Variants in FAM153A observed in about 807,000 individuals in gnomAD.
FAM153A encodes family with sequence similarity 153 member A.
Under a neutral mutation model 48.1 loss-of-function variants are expected in FAM153A, and 12 were observed. The ratio of observed to expected loss-of-function variants is 0.25; its 90% CI spans 0.16 to 0.40. The LOEUF (loss-of-function observed/expected upper bound fraction) is 0.40. FAM153A is among the 10% of genes least tolerant of loss of function. FAM153A has a pLI of 1.00. For missense variants in FAM153A, 111 were observed against 345.8 expected, an observed-to-expected ratio of 0.32 and a Z score of 5.38; for synonymous variants, 36 against 118.2, an observed-to-expected ratio of 0.30 and a Z score of 4.51.
In FAM153A at chr5:177,729,367, A is replaced by G. The variant is rs928221810; in HGVS notation, c.933+118T>C. On this transcript the variant is annotated intron_variant, in intron 17 of 20. Coordinates refer to ENST00000614127, the Ensembl canonical transcript of FAM153A. Reference sequence around the variant, plus strand: ...AATGAACTCTGGCATTTGCCCACCAAGAAATTCTGTCAGTCACCTATAGTG... The same window carrying G: ...AATGAACTCTGGCATTTGCCCACCAGGAAATTCTGTCAGTCACCTATAGTG... The G allele has an allele frequency of 8.8e-6, 11 of 1,252,876 alleles. 2 individuals are homozygous for G. In the African/African-American group the frequency reaches 1.7e-4, roughly 19 times the overall value. The allele number at this position is 1,252,876 out of a possible 1,614,324, so 77.6% of individuals were successfully genotyped here. A position where few individuals can be genotyped will look rare whatever the true frequency, so the allele number is the denominator to read the frequency against.
downstream of FAM153A, among the ~76,000 whole-genome samples, chr5:177,710,544 G>A (rs1758319235): frequency 6.6e-6 from 1 of 151,140 alleles, no homozygotes; most frequent in Non-Finnish European, 1.5e-5. Context: ...TGTGATCCGT[G>A]TTCAAAATCT....
At chr5:177,739,723 C>T (rs1218452253) in intron 8 of FAM153A, 53 bp from the exon 11 acceptor site, 12 of 289,152 alleles carry the variant, frequency 4.2e-5, no homozygotes, top group Non-Finnish European at 6.2e-5. Context: ...GGGAATCCCT[C>T]GGGTTGTATT....
intron 1 of FAM153A, among the ~76,000 whole-genome samples, chr5:177,778,955 T>C (rs193189533): frequency 4.5e-5 from 5 of 110,156 alleles, no homozygotes; most frequent in South Asian, 3.3e-4. Flanking sequence ...GACACCATAT[T>C]CTAGCCTGGG....
the FAM153A span, among the ~76,000 whole-genome samples, chr5:177,696,353 G>A: frequency 6.7e-6 from 1 of 150,136 alleles, no homozygotes; most frequent in African/African-American, 2.5e-5. Context: ...GCCGGGCAGA[G>A]GCGCTCCTCA....
intron 1 of FAM153A, chr5:177,779,465 C>T (rs1460827322): frequency 9.4e-6 from 1 of 106,214 alleles, no homozygotes; most frequent in African/African-American, 3.3e-5. Flanking sequence ...AAAAAATAAT[C>T]TCCTATTCGT....
upstream of FAM153A, among the ~76,000 whole-genome samples, chr5:177,755,636 C>G (rs1382195547): frequency 1.3e-5 from 2 of 151,836 alleles, no homozygotes; most frequent in Non-Finnish European, 2.9e-5. Context: ...CAGCTGATCT[C>G]TTGGCATAAA....
downstream of FAM153A, among the ~76,000 whole-genome samples, chr5:177,709,793 C>A (rs1367498042): frequency 8.1e-6 from 1 of 123,466 alleles, no homozygotes; most frequent in Non-Finnish European, 1.7e-5. Context: ...GCCTCAGCCT[C>A]GCTAAGGAGC....
At chr5:177,722,149 G>A (rs1761172971), downstream of FAM153A, 1 of 133,646 alleles carries the variant, frequency 7.5e-6, no homozygotes, top group Non-Finnish European at 1.6e-5. Context: ...TTTTTTTTGA[G>A]ACAAAGTCTC....
intron 14 of FAM153A, among the ~76,000 whole-genome samples, chr5:177,733,171 GTTC>G (rs1237400561): frequency 8.6e-6 from 1 of 116,912 alleles, no homozygotes; most frequent in Admixed American, 9.6e-5. Context: ...TTTTCCTTCG[GTTC>G]TTATTTGGTG....
At chr5:177,696,029 G>GAT in the FAM153A span, among the ~76,000 whole-genome samples, 559 of 137,532 alleles carry the variant, frequency 4.1e-3, 4 homozygotes, top group African/African-American at 0.016. Flanking sequence ...CTTCCTAGAT[G>GAT]GGGCGGCCGG....
intron 1 of FAM153A, among the ~76,000 whole-genome samples, chr5:177,765,907 T>C (rs1296080093): frequency 4.4e-5 from 5 of 113,862 alleles, no homozygotes; most frequent in Non-Finnish European, 9.8e-5. Flanking sequence ...GATCGAGGTC[T>C]GAAGTTCAAG....
rs186039322 is a variant in FAM153A, at chr5:177,766,206, T to C, written c.-57+14243A>G. The stretch of plus-strand genomic sequence containing the variant: ...GACAAGTACTGAGCTTCAAAATGAG[T>C]TGAAATCTCCTTTCTGCCACTTCCT... On this transcript the variant is annotated intron_variant, in intron 1 of 8. Coordinates refer to the FAM153A transcript ENST00000393518. Among the ~76,000 whole-genome samples, 1,034 of 105,152 alleles carry C rather than the reference T, an allele frequency of 9.8e-3. 124 individuals are homozygous for C. Among genetic ancestry groups the C allele is most frequent in the African/African-American group, 0.031 (967 of 31,480 alleles). 69.0% of individuals were successfully genotyped at this position (105,152 alleles called of 152,430 possible). A position where few individuals can be genotyped will look rare whatever the true frequency, so the allele number is the denominator to read the frequency against.
intron 1 of FAM153A, among the ~76,000 whole-genome samples, chr5:177,761,554 T>G (rs2127712462): frequency 6.7e-6 from 1 of 148,950 alleles, no homozygotes; most frequent in East Asian, 2.0e-4. Context: ...ACATGCTAAT[T>G]TAATCCAATC....
At chr5:177,729,463 A>C in intron 17 of FAM153A, 22 bp downstream of exon 19, 1 of 1,601,600 alleles carries the variant, frequency 6.2e-7, no homozygotes, top group East Asian at 2.3e-5. Flanking sequence ...TTTCCTTTTC[A>C]GAGGAAAGAA....
At chr5:177,696,821 C>T in the FAM153A span, among the ~76,000 whole-genome samples, 62 of 151,496 alleles carry the variant, frequency 4.1e-4, 1 homozygote, top group Non-Finnish European at 6.6e-4. Flanking sequence ...CATGAGCCAT[C>T]GTGCCCAGCC....
At chr5:177,728,551 G>GTGTTTTTTTTTTTGTTTGTTTT (rs1291585271) in intron 18 of FAM153A, among the ~76,000 whole-genome samples, 2 of 114,106 alleles carry the variant, frequency 1.8e-5, no homozygotes, top group Non-Finnish European at 3.8e-5. Flanking sequence ...GTTTGTTGGG[G>GTGTTTTTTTTTTTGTTTGTTTT]TGTTTTTTTT....
At chr5:177,758,891 A>C (rs1168006329) in intron 1 of FAM153A, among the ~76,000 whole-genome samples, 2 of 151,346 alleles carry the variant, frequency 1.3e-5, no homozygotes, top group Middle Eastern at 3.4e-3. Flanking sequence ...AACCTAGGCA[A>C]TACCATTCAG....
intron 25 of FAM153A, among the ~76,000 whole-genome samples, chr5:177,715,009 A>AAC (rs201702581): frequency 1.5e-5 from 2 of 136,048 alleles, no homozygotes; most frequent in African/African-American, 5.3e-5. Flanking sequence ...GACTGTATTT[A>AAC]ACACACACAC....
exon 10 of FAM153A, chr5:177,739,126 G>C (rs752739284): frequency 1.9e-6 from 3 of 1,612,842 alleles, no homozygotes; most frequent in Middle Eastern, 3.3e-4. Flanking sequence ...TGGTTTGGGT[G>C]CCTGCGTCTG....
Sources: gnomAD v4.1 joint callset for allele counts (sites outside exome capture counted in the v4.1 genomes callset) on GRCh38, gnomAD v4.1.1 for gene constraint, MANE v1.5 for transcripts, NCBI Gene and HGNC (gene_info 2026-07-23, HGNC 2026-07-21) for gene names.